Variants in GTF2IRD1 observed in about 807,000 individuals in gnomAD.
GTF2IRD1 encodes the protein GTF2I repeat domain containing 1.
Under a neutral mutation model 113.2 loss-of-function variants are expected in GTF2IRD1, and 26 were observed. That is an observed-to-expected ratio of 0.23 (90% CI 0.17 to 0.32). The LOEUF is 0.32. GTF2IRD1 is among the 10% of genes least tolerant of loss of function. The pLI is 1.00. For missense variants in GTF2IRD1, 864 were observed against 1,280.8 expected (o/e 0.67, Z 4.97); for synonymous variants, 484 against 529.1 (o/e 0.91, Z 1.17).
intron 1 of GTF2IRD1, among the ~76,000 whole-genome samples, chr7:74,455,717 A>G (rs1554327058): frequency 6.6e-6 from 1 of 152,174 alleles, no homozygotes; most frequent in Admixed American, 6.5e-5. Context: ...CCAAGGTGAC[A>G]GGGTATCGGA....
chr7:74,584,592 T>G (rs1801610633), intron 22 of GTF2IRD1, among the ~76,000 whole-genome samples: 1 of 152,172 alleles, frequency 6.6e-6, no homozygotes, highest in South Asian at 2.1e-4. Context: ...ATGATTTCTA[T>G]TCTTATCTTT....
chr7:74,572,977 T>C (rs1302033176), intron 22 of GTF2IRD1, among the ~76,000 whole-genome samples: 3 of 152,064 alleles, frequency 2.0e-5, no homozygotes, highest in African/African-American at 7.2e-5. Flanking sequence ...GAGTGGGCCA[T>C]GAAATGATGG....
At chr7:74,571,622 G>C (rs587645216) in intron 22 of GTF2IRD1, among the ~76,000 whole-genome samples, 1 of 152,224 alleles carries the variant, frequency 6.6e-6, no homozygotes, top group African/African-American at 2.4e-5. Context: ...AGCACTTTGG[G>C]AGGCCAAGGC....
At position 74,575,063 on chromosome 7, in the gene GTF2IRD1, T is replaced by C. The variant is rs183849420; in HGVS notation, c.2321-14788T>C. Among the ~76,000 whole-genome samples, 1,175 of 151,624 alleles carry C rather than the reference T, an allele frequency of 7.7e-3. 13 individuals carry two copies. Among genetic ancestry groups the C allele is most frequent in the African/African-American group, 0.023 (947 of 41,308 alleles). On this transcript the variant is annotated intron_variant, in intron 22 of 26. Coordinates refer to ENST00000424337, the MANE Select transcript of GTF2IRD1 (RefSeq NM_005685.4). Reference sequence around the variant, plus strand: ...CGAGATTGCGCCATTGCGCTCCAGCTTGGGCAACAAGAGCGAAACTCCGTC... The same window carrying C: ...CGAGATTGCGCCATTGCGCTCCAGCCTGGGCAACAAGAGCGAAACTCCGTC...
Position 74,558,833 on chromosome 7 carries a change from C to G in GTF2IRD1, c.2108-28C>G, listed in dbSNP as rs185940582. 10 of 1,588,206 alleles carry G rather than the reference C, an allele frequency of 6.3e-6. No homozygotes were observed. The Admixed American group carries it at 8.7e-5, about 14-fold the overall frequency. ...ACCCCACGCTGCCTCTCACTCCTGA[C>G]GGGCAGGACCCTGCCTCTCGCCCAC... On this transcript the variant is annotated intron_variant, in intron 20 of 26. Coordinates refer to ENST00000424337, the MANE Select transcript of GTF2IRD1 (RefSeq NM_005685.4).
At chr7:74,533,430 C>T (rs1354946128) in intron 9 of GTF2IRD1, among the ~76,000 whole-genome samples, 4 of 152,162 alleles carry the variant, frequency 2.6e-5, no homozygotes, top group Admixed American at 2.0e-4. Context: ...CCACCACGCC[C>T]GGCTGGTTCC....
chr7:74,579,201 G>A (rs1348706867), intron 22 of GTF2IRD1, among the ~76,000 whole-genome samples: 5 of 152,220 alleles, frequency 3.3e-5, no homozygotes, highest in South Asian at 4.2e-4. Flanking sequence ...TGCACCTGTA[G>A]GCCCATGTAC....
chr7:74,518,543 T>C (rs587651305), intron 5 of GTF2IRD1, among the ~76,000 whole-genome samples: 2 of 152,162 alleles, frequency 1.3e-5, no homozygotes, highest in Admixed American at 6.5e-5. Flanking sequence ...CCCAGGGAAG[T>C]TGCATTGCAG....
At chr7:74,534,654 C>A (rs1798177602) in intron 9 of GTF2IRD1, among the ~76,000 whole-genome samples, 1 of 151,952 alleles carries the variant, frequency 6.6e-6, no homozygotes, top group Non-Finnish European at 1.5e-5. Context: ...AGACCCCACT[C>A]CCCTGCTGAG....
intron 25 of GTF2IRD1, among the ~76,000 whole-genome samples, chr7:74,595,548 A>AT (rs1554372011): frequency 6.6e-6 from 1 of 152,114 alleles, no homozygotes; most frequent in Non-Finnish European, 1.5e-5. Context: ...TCATAAAAAA[A>AT]TTTTTTAAAG....
chr7:74,538,105 G>C, intron 11 of GTF2IRD1, 31 bp from the exon 12 acceptor site: 1 of 1,610,240 alleles, frequency 6.2e-7, no homozygotes, highest in Non-Finnish European at 8.5e-7. Flanking sequence ...GGACTTGGCT[G>C]ACAGGTGTCA....
At chr7:74,486,285 A>C (rs574403990) in intron 1 of GTF2IRD1, among the ~76,000 whole-genome samples, 1 of 152,330 alleles carries the variant, frequency 6.6e-6, no homozygotes, top group African/African-American at 2.4e-5. Context: ...ACAGAGGCTT[A>C]GGAGAGAGGG....
At chr7:74,460,507 A>T (rs1554328866) in intron 1 of GTF2IRD1, among the ~76,000 whole-genome samples, 1 of 151,934 alleles carries the variant, frequency 6.6e-6, no homozygotes. Flanking sequence ...TCAGCTTCCC[A>T]AAGTGCTGGG....
rs1799554886 is a variant in GTF2IRD1 at position 74,555,763 on chromosome 7, GCTGACACGCCCA to G, written c.2023+272_2023+283del. 6.6e-6 allele frequency among the ~76,000 whole-genome samples: 1 copy of G among 152,082 alleles called. No individual in the cohort carries two copies. ...CTCCCTGCCCCACCCCCCAGAGGTA[GCTGACACGCCCA>G]CTCCTTTTTCAGCAATCAGCTGTGG... On this transcript the variant is annotated intron_variant, in intron 19 of 26. Coordinates refer to ENST00000424337, the MANE Select transcript of GTF2IRD1 (RefSeq NM_005685.4). This position sits in a 1 kb window ranked among gnomAD's most constrained non-coding sequence, Gnocchi z 5.3.
chr7:74,475,844 G>A (rs1794369925), intron 1 of GTF2IRD1, among the ~76,000 whole-genome samples: 1 of 152,206 alleles, frequency 6.6e-6, no homozygotes, highest in Admixed American at 6.5e-5. Context: ...CCGCCGGGGT[G>A]ACGGGGGACT....
At chr7:74,587,175 T>G (rs1801761153) in intron 22 of GTF2IRD1, among the ~76,000 whole-genome samples, 1 of 152,048 alleles carries the variant, frequency 6.6e-6, no homozygotes, top group Non-Finnish European at 1.5e-5. Flanking sequence ...CTGGGCACAG[T>G]GGCTCACGCC....
Position 74,476,219 on chromosome 7 carries a change from C to A in GTF2IRD1, c.-7+22043C>A, listed in dbSNP as rs947396785. 2.0e-5 allele frequency among the ~76,000 whole-genome samples: 3 copies of A among 152,068 alleles called. No homozygotes were observed. In the East Asian group the frequency reaches 5.8e-4, roughly 29 times the overall value. ...TGTGGGCTGGTGGTGCCTGGTGGGT[C>A]CCGCCCAAGCCCCAGAGAAGGGGCT... On this transcript the variant is annotated intron_variant, in intron 1 of 26. Coordinates refer to ENST00000424337, the MANE Select transcript of GTF2IRD1 (RefSeq NM_005685.4).
At chr7:74,465,004 C>G (rs1240425902) in intron 1 of GTF2IRD1, among the ~76,000 whole-genome samples, 1 of 152,218 alleles carries the variant, frequency 6.6e-6, no homozygotes, top group African/African-American at 2.4e-5. Context: ...AGACCCACCG[C>G]CCACCCACCT....
intron 22 of GTF2IRD1, among the ~76,000 whole-genome samples, chr7:74,562,797 C>G (rs1554359536): frequency 6.6e-6 from 1 of 151,916 alleles, no homozygotes; most frequent in Non-Finnish European, 1.5e-5. Context: ...AGGCTGGTCT[C>G]GAACTCCTGG....
Sources: gnomAD v4.1 joint callset for allele counts (sites outside exome capture counted in the v4.1 genomes callset) on GRCh38, gnomAD v4.1.1 for gene constraint, Gnocchi (gnomAD v3.1) non-coding constraint, MANE v1.5 for transcripts, NCBI Gene and HGNC (gene_info 2026-07-23, HGNC 2026-07-21) for gene names.